PTPRN2: variants seen among roughly 807,000 people sequenced by gnomAD.
The protein encoded by PTPRN2 is receptor-type tyrosine-protein phosphatase N2.
Under a neutral mutation model 118.8 loss-of-function variants are expected in PTPRN2, and 74 were observed. The ratio of observed to expected loss-of-function variants is 0.62; its 90% CI spans 0.52 to 0.76. The LOEUF (loss-of-function observed/expected upper bound fraction) is 0.76. Ranked by LOEUF, PTPRN2 falls within the 30% of genes least tolerant of loss-of-function variation. PTPRN2 has a pLI of 0.00. For synonymous variants in PTPRN2, 641 were observed against 608.0 expected (o/e 1.05, Z -0.80); for missense variants, 1,481 against 1,394.4 (o/e 1.06, Z -0.99).
At position 158,229,452 on chromosome 7, in the gene PTPRN2, A is replaced by G. The variant is rs77851087; in HGVS notation, c.278-24179T>C. On this transcript the variant is annotated intron_variant, in intron 3 of 22. Transcript: ENST00000389418. ...ATGGCAATATGTGAGTTCTCGGACCAAGAATTCAAAATAGCAGTTTTAAGG... is the reference window on the plus strand; with the variant it reads ...ATGGCAATATGTGAGTTCTCGGACCGAGAATTCAAAATAGCAGTTTTAAGG... Among the ~76,000 whole-genome samples, 1,308 of 152,230 alleles carry G rather than the reference A, an allele frequency of 8.6e-3. 25 individuals are homozygous for G. Among genetic ancestry groups the G allele is most frequent in the African/African-American group, 0.03 (1,234 of 41,558 alleles).
At chr7:157,696,638 TC>T in intron 12 of PTPRN2, among the ~76,000 whole-genome samples, 1 of 147,254 alleles carries the variant, frequency 6.8e-6, no homozygotes. Flanking sequence ...GCATACTGGG[TC>T]TTAGTAGAGC....
chr7:157,682,661 C>T lies in PTPRN2; in HGVS notation c.2001+64G>A, dbSNP rs143629005. On this transcript the variant is annotated intron_variant, in intron 13 of 22. Transcript: ENST00000389418. The stretch of plus-strand genomic sequence containing the variant: ...GAATGGAGGAGGGGCCAGAGAGGAA[C>T]GCCATCATCTGCCTGTTCAACAGAT... 144 of 1,480,544 alleles carry T rather than the reference C, an allele frequency of 9.7e-5. 1 individual carries two copies. The highest frequency in any genetic ancestry group is 5.1e-4 in the African/African-American group (37 of 72,348). The allele number at this position is 1,480,544 out of a possible 1,614,324, so 91.7% of individuals were successfully genotyped here. A position where few individuals can be genotyped will look rare whatever the true frequency, so the allele number is the denominator to read the frequency against.
Position 158,575,240 on chromosome 7 carries a change from T to C in PTPRN2, c.112+12318A>G, listed in dbSNP as rs74417337. 1.3e-3 allele frequency among the ~76,000 whole-genome samples: 202 copies of C among 152,318 alleles called. 3 individuals carry two copies. The East Asian group carries it at 0.025, about 19-fold the overall frequency. On this transcript the variant is annotated intron_variant, in intron 1 of 22. Transcript: ENST00000389418. ...CAATCTGGGACATTCTTTTTTTTCA[T>C]AGTGCTTGACTTACCCTGAATATCT...
intron 21 of PTPRN2, among the ~76,000 whole-genome samples, chr7:157,565,622 C>A (rs1282932932): frequency 3.9e-5 from 6 of 152,242 alleles, no homozygotes; most frequent in African/African-American, 1.4e-4. Context: ...CATGGCTCAG[C>A]CCACCTCATC....
At chr7:158,043,208 C>T (rs1808598434) in intron 11 of PTPRN2, among the ~76,000 whole-genome samples, 2 of 152,162 alleles carry the variant, frequency 1.3e-5, no homozygotes, top group Non-Finnish European at 2.9e-5. Context: ...AAAAAAAGTT[C>T]CTAGTGATAA....
chr7:157,957,786 G>A (rs527861717), intron 11 of PTPRN2, among the ~76,000 whole-genome samples: 2 of 152,190 alleles, frequency 1.3e-5, no homozygotes, highest in African/African-American at 4.8e-5. Flanking sequence ...TGCAGTCACT[G>A]GTTTGATGGA....
chr7:158,283,489 C>T (rs912950683), intron 3 of PTPRN2, among the ~76,000 whole-genome samples: 2 of 152,156 alleles, frequency 1.3e-5, no homozygotes, highest in Non-Finnish European at 2.9e-5. Context: ...GCCGCAGGGA[C>T]GGGAGCTCTG....
chr7:158,418,612 C>T (rs1814982922), intron 2 of PTPRN2, among the ~76,000 whole-genome samples: 1 of 144,438 alleles, frequency 6.9e-6, no homozygotes, highest in African/African-American at 2.5e-5. Flanking sequence ...TCTCCGTGTC[C>T]CGCTGTGTTA....
chr7:157,778,637 T>C lies in PTPRN2; in HGVS notation c.1789-95700A>G, dbSNP rs976345257. On this transcript the variant is annotated intron_variant, in intron 12 of 22. Transcript: ENST00000389418. Reference sequence around the variant, plus strand: ...CAGGTATCGAATGCCTATGTAGACATGTACACATGAATACAGGCACTGGAT... The same window carrying C: ...CAGGTATCGAATGCCTATGTAGACACGTACACATGAATACAGGCACTGGAT... Among the ~76,000 whole-genome samples, 50 of 151,548 alleles carry C rather than the reference T, an allele frequency of 3.3e-4. 1 individual carries two copies. Among genetic ancestry groups the C allele is most frequent in the African/African-American group, 1.1e-3 (45 of 41,184 alleles).
chr7:158,110,305 G>A (rs2150367246), intron 10 of PTPRN2, among the ~76,000 whole-genome samples: 1 of 152,352 alleles, frequency 6.6e-6, no homozygotes, highest in African/African-American at 2.4e-5. Context: ...GCCCCTGTGT[G>A]TACTCACCCA....
chr7:158,023,410 T>G lies in PTPRN2; in HGVS notation c.1723+57888A>C, dbSNP rs184338665. Among the ~76,000 whole-genome samples, 414 of 152,244 alleles carry G rather than the reference T, an allele frequency of 2.7e-3. 3 individuals carry two copies. The highest frequency in any genetic ancestry group is 9.7e-3 in the African/African-American group (401 of 41,530). ...CAATATCTGAAGACATCTTGGCCTCTACTGTGGCTGTGTGTATTTTTCTTT... is the reference window on the plus strand; with the variant it reads ...CAATATCTGAAGACATCTTGGCCTCGACTGTGGCTGTGTGTATTTTTCTTT... On this transcript the variant is annotated intron_variant, in intron 11 of 22. Transcript: ENST00000389418.
intron 12 of PTPRN2, among the ~76,000 whole-genome samples, chr7:157,803,134 T>C (rs1258380038): frequency 6.6e-6 from 1 of 151,932 alleles, no homozygotes; most frequent in Non-Finnish European, 1.5e-5. Context: ...CCAGCTAATT[T>C]TTGTATTTTT....
chr7:157,768,780 T>C (rs1802632627), intron 12 of PTPRN2, among the ~76,000 whole-genome samples: 1 of 152,246 alleles, frequency 6.6e-6, no homozygotes, highest in African/African-American at 2.4e-5. Flanking sequence ...GTTTCTGCTT[T>C]AATTGTAGTG....
At chr7:157,996,964 C>T (rs1023308641) in intron 11 of PTPRN2, among the ~76,000 whole-genome samples, 4 of 152,170 alleles carry the variant, frequency 2.6e-5, no homozygotes, top group African/African-American at 4.8e-5. Context: ...CAGCAGCTGT[C>T]GCCTGCTTGC....
chr7:157,693,253 G>A (rs1488595548), intron 12 of PTPRN2, among the ~76,000 whole-genome samples: 4 of 152,038 alleles, frequency 2.6e-5, no homozygotes, highest in African/African-American at 9.7e-5. Context: ...GTCTGTGTGT[G>A]CGCGCGTGTC....
chr7:157,819,877 G>A (rs753387052), intron 12 of PTPRN2, among the ~76,000 whole-genome samples: 1 of 150,378 alleles, frequency 6.6e-6, no homozygotes, highest in Non-Finnish European at 1.5e-5. Context: ...TCACACACAC[G>A]CACACAACAG....
chr7:158,212,273 G>C (rs769954812), intron 3 of PTPRN2, among the ~76,000 whole-genome samples: 17 of 152,084 alleles, frequency 1.1e-4, no homozygotes, highest in Non-Finnish European at 1.9e-4. Context: ...TGGTTAATGA[G>C]TACAAAAATA....
At chr7:158,316,506 G>A (rs1453665133) in intron 3 of PTPRN2, among the ~76,000 whole-genome samples, 2 of 152,272 alleles carry the variant, frequency 1.3e-5, no homozygotes, top group Middle Eastern at 3.4e-3. Context: ...CGCCTGCACT[G>A]GACCCAGCCA....
At chr7:158,498,682 T>C (rs942912772) in intron 1 of PTPRN2, among the ~76,000 whole-genome samples, 5 of 152,160 alleles carry the variant, frequency 3.3e-5, no homozygotes, top group Admixed American at 2.0e-4. Flanking sequence ...CTTTCACAGA[T>C]AAAAAGTTAA....
Sources: allele counts gnomAD v4.1 joint callset (sites outside exome capture counted in the v4.1 genomes callset), GRCh38; gene constraint gnomAD v4.1.1; transcripts MANE v1.5; gene names NCBI Gene and HGNC (gene_info 2026-07-23, HGNC 2026-07-21).